Variants in DAB1 observed in about 807,000 individuals in gnomAD.
DAB1 encodes the protein disabled homolog 1.
Under a neutral mutation model 64.6 loss-of-function variants are expected in DAB1, and 15 were observed. The ratio of observed to expected loss-of-function variants is 0.23; its 90% CI spans 0.16 to 0.36. DAB1 has a LOEUF of 0.36. Ranked by LOEUF, DAB1 falls within the 10% of genes least tolerant of loss-of-function variation. The pLI is 1.00. For synonymous variants in DAB1, 235 were observed against 251.9 expected (o/e 0.93, Z 0.64); for missense variants, 596 against 706.7 (o/e 0.84, Z 1.78).
At chr1:57,182,510 T>C (rs1663086189) in intron 2 of DAB1, among the ~76,000 whole-genome samples, 1 of 152,230 alleles carries the variant, frequency 6.6e-6, no homozygotes, top group South Asian at 2.1e-4. Flanking sequence ...GTTTACATAC[T>C]AGGCAGGAAC....
chr1:58,423,664 A>G (rs1385045219), intron 3 of DAB1, among the ~76,000 whole-genome samples: 1 of 152,178 alleles, frequency 6.6e-6, no homozygotes, highest in Non-Finnish European at 1.5e-5. Flanking sequence ...CTTACTCCAG[A>G]TTTCAGCACT....
intron 7 of DAB1, among the ~76,000 whole-genome samples, chr1:57,512,414 A>G (rs1644416152): frequency 6.6e-6 from 1 of 152,222 alleles, no homozygotes; most frequent in African/African-American, 2.4e-5. Flanking sequence ...GAAGAGAACA[A>G]AGAAAAGAAA....
chr1:57,040,425 C>T (rs1647608226), intron 9 of DAB1, among the ~76,000 whole-genome samples: 1 of 152,168 alleles, frequency 6.6e-6, no homozygotes, highest in African/African-American at 2.4e-5. Context: ...TCTCTAGAAA[C>T]ACTGGGAAAG....
chr1:57,629,866 A>T (rs1265022298), intron 7 of DAB1, among the ~76,000 whole-genome samples: 1 of 152,094 alleles, frequency 6.6e-6, no homozygotes, highest in African/African-American at 2.4e-5. Flanking sequence ...CCCTTAAAAA[A>T]TTACATTAAG....
intron 2 of DAB1, among the ~76,000 whole-genome samples, chr1:57,226,900 T>C (rs1449920133): frequency 1.3e-5 from 2 of 151,868 alleles, no homozygotes; most frequent in Non-Finnish European, 2.9e-5. Context: ...TAAATGGGCC[T>C]GGTGCAGTGG....
chr1:57,364,368 T>G (rs2100908558), intron 1 of DAB1, among the ~76,000 whole-genome samples: 1 of 152,212 alleles, frequency 6.6e-6, no homozygotes, highest in African/African-American at 2.4e-5. Flanking sequence ...GTCAGACATG[T>G]GGTCTAGTCA....
At chr1:58,509,082 C>T (rs1243805000) in intron 2 of DAB1, among the ~76,000 whole-genome samples, 1 of 151,968 alleles carries the variant, frequency 6.6e-6, no homozygotes, top group Non-Finnish European at 1.5e-5. Context: ...AAGATCTTCT[C>T]CTGTACAAAG....
chr1:58,434,083 G>A (rs1418897143), intron 3 of DAB1, among the ~76,000 whole-genome samples: 2 of 152,130 alleles, frequency 1.3e-5, no homozygotes, highest in Non-Finnish European at 2.9e-5. Context: ...AGATCATGTA[G>A]GCTACTGAAG....
At chr1:57,096,087 C>T (rs975828898) in intron 4 of DAB1, among the ~76,000 whole-genome samples, 4 of 152,098 alleles carry the variant, frequency 2.6e-5, no homozygotes, top group Non-Finnish European at 4.4e-5. Flanking sequence ...TCATCATAAG[C>T]CTTTTGGATC....
At chr1:57,201,725 A>G (rs942649715) in intron 2 of DAB1, among the ~76,000 whole-genome samples, 6 of 152,146 alleles carry the variant, frequency 3.9e-5, no homozygotes, top group African/African-American at 1.2e-4. Context: ...ATTGTAATTA[A>G]TTATTTTAAT....
chr1:58,083,539 A>G (rs1650125853), intron 5 of DAB1, among the ~76,000 whole-genome samples: 3 of 152,256 alleles, frequency 2.0e-5, no homozygotes, highest in South Asian at 4.1e-4. Flanking sequence ...CTGTTTAACT[A>G]TATATGAATT....
intron 1 of DAB1, among the ~76,000 whole-genome samples, chr1:58,537,655 T>C (rs1475754761): frequency 6.6e-6 from 1 of 152,220 alleles, no homozygotes; most frequent in Non-Finnish European, 1.5e-5. Flanking sequence ...AAATTTACCA[T>C]ATATACATCA....
intron 4 of DAB1, among the ~76,000 whole-genome samples, chr1:57,101,147 T>G (rs111860358): frequency 4.4e-4 from 67 of 152,254 alleles, no homozygotes; most frequent in African/African-American, 1.6e-3. Flanking sequence ...TGGGTCTGAC[T>G]TCTACTCAGG....
chr1:57,641,798 A>G (rs183919051), intron 7 of DAB1, among the ~76,000 whole-genome samples: 7 of 152,164 alleles, frequency 4.6e-5, no homozygotes, highest in Admixed American at 4.6e-4. Context: ...CAGTCTCATT[A>G]TCTATCCTCT....
intron 1 of DAB1, chr1:58,534,419 T>C (rs17117681): frequency 0.023 from 14,398 of 624,706 alleles, 418 homozygotes; most frequent in East Asian, 0.12. Context: ...CTACTTATTA[T>C]TGAACATTTT....
chr1:58,055,781 T>C (rs1418829253), intron 5 of DAB1, among the ~76,000 whole-genome samples: 1 of 66,946 alleles, frequency 1.5e-5, no homozygotes, highest in Non-Finnish European at 2.7e-5. Context: ...CTCGGCTCAC[T>C]GCAACCTCTG....
intron 6 of DAB1, among the ~76,000 whole-genome samples, chr1:57,677,907 T>C (rs1646587156): frequency 6.6e-6 from 1 of 152,194 alleles, no homozygotes; most frequent in South Asian, 2.1e-4. Flanking sequence ...GTATCATTTG[T>C]TTGGGATCTG....
intron 9 of DAB1, among the ~76,000 whole-genome samples, chr1:57,057,576 A>G (rs1030301209): frequency 3.3e-5 from 5 of 150,768 alleles, no homozygotes; most frequent in Non-Finnish European, 4.4e-5. Context: ...AAATAGTTAC[A>G]GGGGTTTTGG....
intron 7 of DAB1, among the ~76,000 whole-genome samples, chr1:57,553,339 CAG>C (rs747065414): frequency 8.1e-6 from 1 of 122,802 alleles, no homozygotes; most frequent in African/African-American, 3.1e-5. Flanking sequence ...AAGAAAGAAA[CAG>C]AGAAAGAGAG....
Sources: gnomAD v4.1 joint callset for allele counts (sites outside exome capture counted in the v4.1 genomes callset) on GRCh38, gnomAD v4.1.1 for gene constraint, MANE v1.5 for transcripts, NCBI Gene and HGNC (gene_info 2026-07-23, HGNC 2026-07-21) for gene names.